CCDC110: variants seen among roughly 807,000 people sequenced by gnomAD.
CCDC110 encodes the protein coiled-coil domain-containing protein 110.
In CCDC110, 70 loss-of-function variants were observed where a neutral mutation model predicts 77.1. That is an observed-to-expected ratio of 0.91 (90% CI 0.75 to 1.11). The LOEUF (loss-of-function observed/expected upper bound fraction) is 1.11, where lower values mean the gene tolerates loss of function less well. CCDC110 is among the 50% of genes least tolerant of loss of function. CCDC110 has a pLI of 0.00. For synonymous variants in CCDC110, 295 were observed against 312.5 expected, an observed-to-expected ratio of 0.94 and a Z score of 0.59; for missense variants, 868 against 942.9, an observed-to-expected ratio of 0.92 and a Z score of 1.04.
At chr4:185,470,666 C>T (rs2095664370) in intron 2 of CCDC110, 1 of 545,830 alleles carries the variant, frequency 1.8e-6, no homozygotes. Context: ...CTCCATTCCT[C>T]GCTGCCTGTG....
intron 6 of CCDC110, chr4:185,449,839 G>C (rs2095626098): frequency 4.7e-6 from 2 of 423,054 alleles, no homozygotes; most frequent in Non-Finnish European, 8.5e-6. Flanking sequence ...CGTGGTTGTT[G>C]ATTTATGTTT....
intron 2 of CCDC110, among the ~76,000 whole-genome samples, chr4:185,463,718 A>AGT (rs1172380812): frequency 1.3e-5 from 2 of 152,138 alleles, no homozygotes; most frequent in African/African-American, 4.8e-5. Context: ...GTTCTGCTTA[A>AGT]GTGTGTGTGT....
intron 6 of CCDC110, among the ~76,000 whole-genome samples, chr4:185,448,474 A>T (rs2095621257): frequency 1.3e-5 from 2 of 152,198 alleles, no homozygotes; most frequent in African/African-American, 4.8e-5. Context: ...ATAAGTAAGG[A>T]AAATTGATTC....
intron 2 of CCDC110, among the ~76,000 whole-genome samples, chr4:185,470,383 T>G (rs888272235): frequency 1.4e-4 from 21 of 152,196 alleles, no homozygotes; most frequent in African/African-American, 4.3e-4. Context: ...CCTTATACAA[T>G]GTAAATGCTA....
chr4:185,471,522 G>A, intron 1 of CCDC110, 152 bp downstream of exon 1: 1 of 866,492 alleles, frequency 1.2e-6, no homozygotes. Context: ...CGGGTGCTCA[G>A]CCCTAGGGCC....
At chr4:185,454,223 G>A (rs9997482) in intron 6 of CCDC110, among the ~76,000 whole-genome samples, 36,198 of 151,960 alleles carry the variant, frequency 0.24, 4,769 homozygotes, top group East Asian at 0.53. Flanking sequence ...ACTGTAGAAC[G>A]CACGTTACTT....
chr4:185,445,802 T>C (rs1386060512), intron 6 of CCDC110, among the ~76,000 whole-genome samples: 1 of 152,212 alleles, frequency 6.6e-6, no homozygotes, highest in African/African-American at 2.4e-5. Flanking sequence ...ATTAGTATTA[T>C]TTCACAAAAA....
Position 185,468,711 on chromosome 4 carries a change from TCTC to T in CCDC110, c.115+2231_115+2233del, listed in dbSNP as rs1248080830. On this transcript the variant is annotated intron_variant, in intron 2 of 6. Coordinates refer to ENST00000307588, the MANE Select transcript of CCDC110 (RefSeq NM_152775.4). The surrounding 1 kb of genome is among the most constrained non-coding windows in gnomAD (Gnocchi z 4.5). The stretch of plus-strand genomic sequence containing the variant: ...AGACGTGACCTGCTGAGTGAGCCCT[TCTC>T]CTACCACCCTGTTTAAAATGACACA... Among the ~76,000 whole-genome samples, 1 of 152,160 alleles carries T rather than the reference TCTC, an allele frequency of 6.6e-6. No individual in the cohort carries two copies. The highest frequency in any genetic ancestry group is 1.5e-5 in the Non-Finnish European group (1 of 68,036).
Position 185,471,662 on chromosome 4 carries a change from TC to T in CCDC110, c.10+11del. 6.4e-7 allele frequency: 1 copy of T among 1,563,600 alleles called. No homozygotes were observed. Reference sequence around the variant, plus strand: ...CGGCTCCCCTAGGAGCCCCGCCCCGTCCAACTCTTACCCGGGCTCATCGCCG... The same window carrying T: ...CGGCTCCCCTAGGAGCCCCGCCCCGTCAACTCTTACCCGGGCTCATCGCCG... On this transcript the variant is annotated intron_variant, in intron 1 of 6. Coordinates refer to ENST00000307588, the MANE Select transcript of CCDC110 (RefSeq NM_152775.4).
chr4:185,450,728 AGT>A (rs2095627651), intron 6 of CCDC110, among the ~76,000 whole-genome samples: 1 of 126,928 alleles, frequency 7.9e-6, no homozygotes, highest in South Asian at 2.9e-4. Flanking sequence ...TGGGCGACAG[AGT>A]GAGACTCTGT....
At chr4:185,460,791 T>C in intron 5 of CCDC110, 1 of 375,038 alleles carries the variant, frequency 2.7e-6, no homozygotes, top group Non-Finnish European at 5.2e-6. Context: ...TGCCTTGCAT[T>C]TGAATTTACT....
intron 6 of CCDC110, 50 bp downstream of exon 6, chr4:185,458,076 G>C: frequency 7.8e-7 from 1 of 1,283,836 alleles, no homozygotes; most frequent in Non-Finnish European, 1.1e-6. Context: ...TGCCCAATAG[G>C]CTAAAAGAAT....
Position 185,453,813 on chromosome 4 carries a change from ATT to A in CCDC110, c.2461+4311_2461+4312del, listed in dbSNP as rs58603614. On this transcript the variant is annotated intron_variant, in intron 6 of 6. Transcript: ENST00000307588. ...CTCCCACCTCAGCCTTCTCGTTGCT[ATT>A]TTTTTTTTTTTTTTTGAGACGGAGT... is the stretch of plus-strand genomic sequence containing the variant. 2.4e-3 allele frequency among the ~76,000 whole-genome samples: 305 copies of A among 126,166 alleles called. 3 individuals are homozygous for A. The highest frequency in any genetic ancestry group is 4.7e-3 in the South Asian group (18 of 3,868). 82.8% of individuals were successfully genotyped at this position (126,166 alleles called of 152,430 possible). A position where few individuals can be genotyped will look rare whatever the true frequency, so the allele number is the denominator to read the frequency against.
At chr4:185,453,477 G>A (rs2095631934) in intron 6 of CCDC110, among the ~76,000 whole-genome samples, 1 of 151,090 alleles carries the variant, frequency 6.6e-6, no homozygotes, top group African/African-American at 2.4e-5. Context: ...ATGAAATGGA[G>A]TTAGAGAAAG....
At position 185,468,390 on chromosome 4, in the gene CCDC110, T is replaced by C. The variant is rs1167164367; in HGVS notation, c.115+2555A>G. On this transcript the variant is annotated intron_variant, in intron 2 of 6. Transcript: ENST00000307588. This position sits in a 1 kb window ranked among gnomAD's most constrained non-coding sequence, Gnocchi z 4.5. ...GGCAATATGATGATAATTTGGTAAA[T>C]TCAAAATTTCTAGTCAAGACGGAGG... is the stretch of plus-strand genomic sequence containing the variant. Among the ~76,000 whole-genome samples, 1 of 152,192 alleles carries C rather than the reference T, an allele frequency of 6.6e-6. No homozygotes were observed. Among genetic ancestry groups the C allele is most frequent in the Non-Finnish European group, 1.5e-5 (1 of 68,032 alleles).
chr4:185,460,104 T>C lies in CCDC110; in HGVS notation c.483A>G (p.Pro161=). 6.2e-7 allele frequency: 1 copy of C among 1,613,758 alleles called. No individual in the cohort carries two copies. The highest frequency in any genetic ancestry group is 8.5e-7 in the Non-Finnish European group (1 of 1,179,908). ...VNSLPQSVNV[P]SQIHSEDTLT... ...ATGTGTCCTCGGAATGTATCTGGGA[T>C]GGAACATTTACACTTTGAGGGAGAC... Residue 161 remains proline, a synonymous_variant, in exon 6 of 7, where the codon CCA becomes CCG. Coordinates refer to ENST00000307588, the MANE Select transcript of CCDC110 (RefSeq NM_152775.4).
chr4:185,445,446 G>T lies in CCDC110; in HGVS notation c.*56C>A. The T allele has an allele frequency of 8.2e-7, 1 of 1,225,778 alleles. No individual in the cohort carries two copies. Among genetic ancestry groups the T allele is most frequent in the Non-Finnish European group, 1.2e-6 (1 of 843,318 alleles). The allele number at this position is 1,225,778 out of a possible 1,614,324, so 75.9% of individuals were successfully genotyped here. ...TTAGATATGCATAGTTCAGTTAGCAGTACAATTAACATTGGCTATTTCTCG... is the reference window on the plus strand; with the variant it reads ...TTAGATATGCATAGTTCAGTTAGCATTACAATTAACATTGGCTATTTCTCG... On this transcript the variant is annotated 3_prime_UTR_variant, in exon 7 of 7. Transcript: ENST00000307588.
In CCDC110 at chr4:185,459,692, A is replaced by T. The variant is rs7698680; in HGVS notation, c.895T>A (p.Leu299Met). ...ATATCTTCATTTAAGTTACCGTCCA[A>T]GTTTTCTTCCTTAATAAAGTTCATT... ...DKMNFIKEEN[L>M]DGNLNEDIKS... The change falls in exon 6 of 7, where the codon TTG becomes ATG. Residue 299 changes from leucine to methionine, a missense_variant. By Grantham distance (15) the Leu-to-Met change is conservative. Transcript: ENST00000307588. The T allele has an allele frequency of 0.52, 830,524 of 1,611,610 alleles. 218,926 individuals carry two copies. The highest frequency in any genetic ancestry group is 0.57 in the Middle Eastern group (3,460 of 6,052).
chr4:185,451,248 G>A (rs887400367), intron 6 of CCDC110, among the ~76,000 whole-genome samples: 3 of 152,080 alleles, frequency 2.0e-5, no homozygotes, highest in Non-Finnish European at 4.4e-5. Context: ...TCCAGTCTTG[G>A]GTATGTCTTT....
Sources: gnomAD v4.1 joint callset for allele counts (sites outside exome capture counted in the v4.1 genomes callset) on GRCh38, gnomAD v4.1.1 for gene constraint, Gnocchi (gnomAD v3.1) non-coding constraint, MANE v1.5 for transcripts, NCBI Gene and HGNC (gene_info 2026-07-23, HGNC 2026-07-21) for gene names.